UNKL: variants seen among roughly 807,000 people sequenced by gnomAD.
UNKL encodes putative E3 ubiquitin-protein ligase UNKL.
A neutral mutation model predicts 78.0 loss-of-function variants in UNKL; 60 were observed. That is an observed-to-expected ratio of 0.77 (90% CI 0.63 to 0.95). The LOEUF (loss-of-function observed/expected upper bound fraction) is 0.95, where lower values mean the gene tolerates loss of function less well. UNKL is among the 40% of genes least tolerant of loss of function. The probability of loss-of-function intolerance (pLI) is 0.00; values close to 1 mark genes in which losing one functional copy is unlikely to be tolerated. For missense variants in UNKL, 1,159 were observed against 1,045.7 expected (o/e 1.11, Z -1.49); for synonymous variants, 608 against 474.8 (o/e 1.28, Z -3.65).
chr16:1,393,422 G>A (rs1567225432), intron 7 of UNKL, among the ~76,000 whole-genome samples: 1 of 149,852 alleles, frequency 6.7e-6, no homozygotes, highest in Non-Finnish European at 1.5e-5. Flanking sequence ...CCCCAGGGCT[G>A]CCAGGAAACC....
rs1257313014 is a variant in UNKL at position 1,409,449 on chromosome 16, G to A, written c.287+4397C>T. ...GGCAGCCTGTCAGACACTTCCTAAA[G>A]GGCCGGTCGAAGCAAGTCATTCACA... On this transcript the variant is annotated intron_variant, in intron 2 of 14. Transcript: ENST00000389221. Among the ~76,000 whole-genome samples, 8 of 152,240 alleles carry A rather than the reference G, an allele frequency of 5.3e-5. No individual in the cohort carries two copies. The South Asian group carries it at 1.7e-3, about 32-fold the overall frequency.
chr16:1,398,679 G>GCTGGCCC, intron 5 of UNKL: 4 of 1,356,290 alleles, frequency 2.9e-6, no homozygotes, highest in Non-Finnish European at 3.8e-6. Context: ...TGTGGGGTCT[G>GCTGGCCC]CACCCCCCCA....
chr16:1,383,756 G>A (rs563606770), intron 10 of UNKL: 369 of 424,702 alleles, frequency 8.7e-4, no homozygotes, highest in African/African-American at 2.8e-3. Context: ...ACATTGACGC[G>A]GGTCCTGATG....
intron 14 of UNKL, 94 bp downstream of exon 14, chr16:1,366,998 G>A (rs2035324740): frequency 7.0e-7 from 1 of 1,436,926 alleles, no homozygotes; most frequent in Non-Finnish European, 9.1e-7. Context: ...GGCAGGGGAG[G>A]AAGGGGACAC....
rs1484196275 is a variant in UNKL at position 1,371,525 on chromosome 16, C to T, written c.1351G>A (p.Ala451Thr). 3 of 1,536,176 alleles carry T rather than the reference C, an allele frequency of 2.0e-6. No homozygotes were observed. The highest frequency in any genetic ancestry group is 2.4e-5 in the East Asian group (1 of 40,918). The change falls in exon 11 of 15, where the codon GCA (alanine) becomes ACA (threonine). Residue 451 changes from alanine (A) to threonine (T), a missense_variant. By Grantham distance (58) the Ala-to-Thr change is moderately conservative (BLOSUM62 0). Coordinates refer to ENST00000389221, the MANE Select transcript of UNKL (RefSeq NM_001372107.1). ...AGGTCCTCCCCACCCTCACCTGCTGCTCCCAGGTCGTGGCCGTCTTGCTCT... is the reference window on the plus strand; with the variant it reads ...AGGTCCTCCCCACCCTCACCTGCTGTTCCCAGGTCGTGGCCGTCTTGCTCT... ...LEEQDGHDLG[A>T]AGPRSLAGSA...
chr16:1,409,462 C>A (rs1296576188), intron 2 of UNKL, among the ~76,000 whole-genome samples: 1 of 152,158 alleles, frequency 6.6e-6, no homozygotes, highest in Admixed American at 6.6e-5. Flanking sequence ...CCGGTCGAAG[C>A]AAGTCATTCA....
rs1197418125 is a variant in UNKL, at chr16:1,368,255, C to T, written c.1586-397G>A. On this transcript the variant is annotated intron_variant, in intron 12 of 14. Transcript: ENST00000389221. Reference sequence around the variant, plus strand: ...CCACAGAGCTGTGTCCATGTGGTGACTGCCAATGTCTATGCAGCTTTAGAG... The same window carrying T: ...CCACAGAGCTGTGTCCATGTGGTGATTGCCAATGTCTATGCAGCTTTAGAG... 5 of 234,450 alleles carry T rather than the reference C, an allele frequency of 2.1e-5. 1 individual carries two copies. Among genetic ancestry groups the T allele is most frequent in the Admixed American group, 5.1e-5 (1 of 19,650 alleles). The allele number at this position is 234,450 out of a possible 1,614,324, so 14.5% of individuals were successfully genotyped here.
At chr16:1,386,029 G>T (rs1017155229) in intron 9 of UNKL, among the ~76,000 whole-genome samples, 4 of 152,224 alleles carry the variant, frequency 2.6e-5, no homozygotes, top group African/African-American at 9.6e-5. Flanking sequence ...AACGGGGAGG[G>T]TGCTGCTCAC....
intron 2 of UNKL, among the ~76,000 whole-genome samples, chr16:1,405,475 G>A (rs1186519200): frequency 3.3e-5 from 5 of 151,940 alleles, no homozygotes; most frequent in African/African-American, 1.2e-4. Flanking sequence ...TACTCGGGAG[G>A]CTGAGGCAGG....
At position 1,371,623 on chromosome 16, in the gene UNKL, GC is replaced by G; in HGVS notation, c.1265-13del. On this transcript the variant is annotated splice_polypyrimidine_tract_variant and intron_variant, in intron 10 of 14. Coordinates refer to ENST00000389221, the MANE Select transcript of UNKL (RefSeq NM_001372107.1). ...GTCTAACGCAGAACCTGTCAACAGA[GC>G]CCCCCATCATCCACAGCCCACCCAG... The G allele has an allele frequency of 2.0e-6, 3 of 1,535,778 alleles. No individual in the cohort carries two copies. Among genetic ancestry groups the G allele is most frequent in the South Asian group, 1.2e-5 (1 of 84,050 alleles).
chr16:1,411,713 T>TAC (rs1480447739), intron 2 of UNKL, among the ~76,000 whole-genome samples: 4 of 151,548 alleles, frequency 2.6e-5, no homozygotes, highest in Non-Finnish European at 5.9e-5. Context: ...TAATCCCAGC[T>TAC]ACTCGGGAGG....
intron 12 of UNKL, among the ~76,000 whole-genome samples, chr16:1,369,362 G>A (rs1231932591): frequency 4.0e-5 from 6 of 150,706 alleles, no homozygotes; most frequent in East Asian, 2.0e-4. Context: ...CCACCACGCC[G>A]GGCCTTTTTC....
At chr16:1,406,990 T>C (rs772397484) in intron 2 of UNKL, among the ~76,000 whole-genome samples, 3 of 151,344 alleles carry the variant, frequency 2.0e-5, no homozygotes, top group South Asian at 4.2e-4. Flanking sequence ...AATACACACA[T>C]ACACAAAAAT....
At chr16:1,404,138 G>A (rs935171299) in intron 2 of UNKL, among the ~76,000 whole-genome samples, 6 of 143,920 alleles carry the variant, frequency 4.2e-5, no homozygotes, top group African/African-American at 1.5e-4. Flanking sequence ...GGGACGCACA[G>A]AGGACCCTGA....
chr16:1,363,225 A>G lies in UNKL; in HGVS notation c.*3015T>C. 1 of 756,484 alleles carries G rather than the reference A, an allele frequency of 1.3e-6. No homozygotes were observed. Among genetic ancestry groups the G allele is most frequent in the Non-Finnish European group, 2.3e-6 (1 of 437,070 alleles). The allele number at this position is 756,484 out of a possible 1,614,324, so 46.9% of individuals were successfully genotyped here. The stretch of plus-strand genomic sequence containing the variant: ...AAAACAAAGATTCAAGGTTTTAATT[A>G]ATTCCCATACTGATAAAAATAACTC... On this transcript the variant is annotated 3_prime_UTR_variant, in exon 15 of 15. Transcript: ENST00000389221.
chr16:1,369,995 G>A, intron 12 of UNKL, 135 bp downstream of exon 12: 1 of 1,551,182 alleles, frequency 6.4e-7, no homozygotes, highest in Non-Finnish European at 8.7e-7. Flanking sequence ...GAACCTGTGA[G>A]CAGCAGGTCA....
chr16:1,403,083 G>A lies in UNKL; in HGVS notation c.464+85C>T. On this transcript the variant is annotated intron_variant, in intron 3 of 14. Coordinates refer to ENST00000389221, the MANE Select transcript of UNKL (RefSeq NM_001372107.1). The surrounding 1 kb of genome is among the most constrained non-coding windows in gnomAD (Gnocchi z 4.8). ...CAGCAGAGCCTGCAGCAGCAGGGAGGCGAGCCACTTGCCGAGTTCCTGCTC... is the reference window on the plus strand; with the variant it reads ...CAGCAGAGCCTGCAGCAGCAGGGAGACGAGCCACTTGCCGAGTTCCTGCTC... The A allele has an allele frequency of 9.7e-6, 14 of 1,448,086 alleles. No homozygotes were observed. Among genetic ancestry groups the A allele is most frequent in the Non-Finnish European group, 1.3e-5 (14 of 1,086,868 alleles). 89.7% of individuals were successfully genotyped at this position (1,448,086 alleles called of 1,614,324 possible). A position where few individuals can be genotyped will look rare whatever the true frequency, so the allele number is the denominator to read the frequency against.
intron 2 of UNKL, among the ~76,000 whole-genome samples, chr16:1,411,531 C>CA (rs1453444634): frequency 6.6e-6 from 1 of 150,664 alleles, no homozygotes; most frequent in Non-Finnish European, 1.5e-5. Context: ...GACCCTGTCT[C>CA]AAAAAACAAA....
At chr16:1,398,729 A>G in intron 5 of UNKL, 1 of 1,238,236 alleles carries the variant, frequency 8.1e-7, no homozygotes, top group Non-Finnish European at 1.0e-6. Flanking sequence ...GAGGCAAGCC[A>G]GGCCAGGCAC....
Sources: gnomAD v4.1 joint callset for allele counts (sites outside exome capture counted in the v4.1 genomes callset) on GRCh38, gnomAD v4.1.1 for gene constraint, Gnocchi (gnomAD v3.1) non-coding constraint, MANE v1.5 for transcripts, NCBI Gene and HGNC (gene_info 2026-07-23, HGNC 2026-07-21) for gene names.